Variants in TECR observed in about 807,000 individuals in gnomAD.
The protein encoded by TECR is trans-2,3-enoyl-CoA reductase.
Under a neutral mutation model 50.6 loss-of-function variants are expected in TECR, and 19 were observed. The observed-to-expected ratio is 0.38, with a 90% CI of 0.26 to 0.55. TECR has a LOEUF of 0.55. Among genes scored for constraint, TECR ranks in the 20% least tolerant of loss-of-function variants. The pLI, the probability that TECR is intolerant of heterozygous loss-of-function variation, is 0.79. For synonymous variants in TECR, 168 were observed against 163.5 expected (o/e 1.03, Z -0.21); for missense variants, 313 against 408.3 (o/e 0.77, Z 2.01).
chr19:14,565,068 C>G lies in TECR; in HGVS notation c.609C>G (p.Ile203Met). 1.9e-6 allele frequency: 3 copies of G among 1,613,894 alleles called. No individual in the cohort carries two copies. The highest frequency in any genetic ancestry group is 3.3e-5 in the Admixed American group (2 of 60,028). Residue 203 changes from isoleucine (I) to methionine (M), a missense_variant and splice_region_variant, in exon 10 of 13, where the codon ATC (isoleucine) becomes ATG (methionine). Transcript: ENST00000215567. ...QVKLALAIFV[I>M]CQLGNFSIHM... ...GGCTGATCCTGCTTCTCTGACAGAT[C>G]TGCCAGCTCGGCAACTTCTCCATCC...
At position 14,552,157 on chromosome 19, in the gene TECR, CTTTCTTTCTTT is replaced by C. The variant is rs1370194845; in HGVS notation, c.16-10360_16-10350del. Among the ~76,000 whole-genome samples the C allele has an allele frequency of 2.4e-3, 359 of 148,340 alleles. 4 individuals are homozygous for C. The highest frequency in any genetic ancestry group is 8.5e-3 in the African/African-American group (346 of 40,506). On this transcript the variant is annotated intron_variant, in intron 1 of 12. Transcript: ENST00000215567. ...CCTGGCCTTTTTCTTTTCTTTCTTTCTTTCTTTCTTTTTTCTTTTTTTTTTTTTTTGAGATA... is the reference window on the plus strand; with the variant it reads ...CCTGGCCTTTTTCTTTTCTTTCTTTCTTTCTTTTTTTTTTTTTTTGAGATA...
At chr19:14,538,647 C>T (rs1000000469) in intron 1 of TECR, among the ~76,000 whole-genome samples, 1 of 151,550 alleles carries the variant, frequency 6.6e-6, no homozygotes, top group Non-Finnish European at 1.5e-5. Flanking sequence ...ATTGTCCTGC[C>T]TCAGCCTCCC....
At chr19:14,556,413 A>AAAAAAAAAAAAAAC (rs142293376) in intron 1 of TECR, among the ~76,000 whole-genome samples, 6 of 86,514 alleles carry the variant, frequency 6.9e-5, no homozygotes, top group African/African-American at 1.6e-4. Flanking sequence ...TCTCTCAAAA[A>AAAAAAAAAAAAAAC]AAAAACAAAA....
At chr19:14,542,772 C>T (rs1469871971) in intron 1 of TECR, among the ~76,000 whole-genome samples, 1 of 152,086 alleles carries the variant, frequency 6.6e-6, no homozygotes, top group Non-Finnish European at 1.5e-5. Context: ...ACCCCAGTTA[C>T]ATGGTTAGCT....
At chr19:14,541,256 T>G (rs1236714216) in intron 1 of TECR, among the ~76,000 whole-genome samples, 4 of 151,952 alleles carry the variant, frequency 2.6e-5, no homozygotes, top group African/African-American at 9.7e-5. Flanking sequence ...GGATTCTAGG[T>G]GTATGCCACC....
chr19:14,539,611 T>C (rs2073026604), intron 1 of TECR, among the ~76,000 whole-genome samples: 2 of 152,140 alleles, frequency 1.3e-5, no homozygotes, highest in African/African-American at 4.8e-5. Context: ...ATCTGTCCCC[T>C]GCTTTCCTCA....
intron 1 of TECR, among the ~76,000 whole-genome samples, chr19:14,555,155 T>G (rs2073674116): frequency 6.6e-6 from 1 of 151,772 alleles, no homozygotes; most frequent in Non-Finnish European, 1.5e-5. Context: ...CATGGCTCAC[T>G]GCAGCCTGGA....
intron 1 of TECR, among the ~76,000 whole-genome samples, chr19:14,539,140 ATTTTTTTTT>A (rs57801378): frequency 3.0e-3 from 281 of 92,556 alleles, no homozygotes; most frequent in African/African-American, 7.2e-3. Flanking sequence ...CGCCCGGCTA[ATTTTTTTTT>A]TTTTTTTTTT....
intron 1 of TECR, chr19:14,532,632 G>A (rs1342539878): frequency 2.6e-5 from 4 of 151,548 alleles, no homozygotes; most frequent in Non-Finnish European, 5.9e-5. Context: ...CCTTTGCCAA[G>A]TACCCATAGA....
chr19:14,561,691 C>T (rs1473195892), intron 1 of TECR, among the ~76,000 whole-genome samples: 1 of 152,130 alleles, frequency 6.6e-6, no homozygotes, highest in Non-Finnish European at 1.5e-5. Flanking sequence ...AAGCTGGAGG[C>T]GGTTGCCTAA....
intron 1 of TECR, among the ~76,000 whole-genome samples, chr19:14,539,973 G>C (rs376608128): frequency 6.6e-6 from 1 of 150,934 alleles, no homozygotes. Context: ...TCCACCTCCC[G>C]GGTTCAAGTG....
At chr19:14,559,276 C>T (rs570119680) in intron 1 of TECR, among the ~76,000 whole-genome samples, 55 of 152,098 alleles carry the variant, frequency 3.6e-4, no homozygotes, top group Non-Finnish European at 6.0e-4. Flanking sequence ...ACCTCTGTCT[C>T]GTCCCAGAAC....
At chr19:14,532,061 T>C (rs1478205567) in intron 1 of TECR, 1 of 151,452 alleles carries the variant, frequency 6.6e-6, no homozygotes, top group Non-Finnish European at 1.5e-5. Flanking sequence ...AACATGCAGT[T>C]TGGAACATCC....
chr19:14,544,862 G>A (rs2054475268), intron 1 of TECR, among the ~76,000 whole-genome samples: 1 of 151,990 alleles, frequency 6.6e-6, no homozygotes, highest in African/African-American at 2.4e-5. Context: ...TGAACTCATG[G>A]GCTCCAGTGA....
intron 1 of TECR, among the ~76,000 whole-genome samples, chr19:14,554,917 T>A (rs1322514042): frequency 6.6e-6 from 1 of 151,916 alleles, no homozygotes; most frequent in Non-Finnish European, 1.5e-5. Flanking sequence ...TAGCTGGGAC[T>A]ACAGGCGTGT....
Position 14,563,377 on chromosome 19 carries a change from C to A in TECR, c.118+120C>A, listed in dbSNP as rs945229805. 24 of 1,064,824 alleles carry A rather than the reference C, an allele frequency of 2.3e-5. No homozygotes were observed. The highest frequency in any genetic ancestry group is 3.1e-5 in the Non-Finnish European group (22 of 701,408). 66.0% of individuals were successfully genotyped at this position (1,064,824 alleles called of 1,614,324 possible). The stretch of plus-strand genomic sequence containing the variant: ...CCTGCAGAGATGCCCCAGTGTGGCC[C>A]AGGCTTCTGGGGCGTGACTGGGGCA... On this transcript the variant is annotated intron_variant, in intron 3 of 12. Transcript: ENST00000215567. This position sits in a 1 kb window ranked among gnomAD's most constrained non-coding sequence, Gnocchi z 5.3.
chr19:14,562,325 G>A, intron 1 of TECR, 200 bp from the exon 2 acceptor site: 1 of 662,886 alleles, frequency 1.5e-6, no homozygotes. Flanking sequence ...GGTGGTGGGG[G>A]CTGACGGCCG....
chr19:14,547,661 ATT>A (rs71166755), intron 1 of TECR, among the ~76,000 whole-genome samples: 7 of 142,880 alleles, frequency 4.9e-5, no homozygotes, highest in Admixed American at 7.1e-5. Context: ...TGTACCTAAT[ATT>A]TTTTTTTTTT....
intron 1 of TECR, among the ~76,000 whole-genome samples, chr19:14,541,374 G>A (rs990575513): frequency 2.6e-5 from 4 of 152,062 alleles, no homozygotes; most frequent in African/African-American, 9.7e-5. Context: ...TGGCACAGCG[G>A]CCCTTCTGAG....
Sources: gnomAD v4.1 joint callset for allele counts (sites outside exome capture counted in the v4.1 genomes callset) on GRCh38, gnomAD v4.1.1 for gene constraint, Gnocchi (gnomAD v3.1) non-coding constraint, MANE v1.5 for transcripts, NCBI Gene and HGNC (gene_info 2026-07-23, HGNC 2026-07-21) for gene names.